NWD2: variants seen among roughly 807,000 people sequenced by gnomAD.
The protein encoded by NWD2 is NACHT and WD repeat domain-containing protein 2.
Under a neutral mutation model 132.7 loss-of-function variants are expected in NWD2, and 37 were observed. The ratio of observed to expected loss-of-function variants is 0.28; its 90% confidence interval spans 0.21 to 0.37. The LOEUF (loss-of-function observed/expected upper bound fraction) is 0.37, where lower values mean the gene tolerates loss of function less well. NWD2 is among the 10% of genes least tolerant of loss of function. The probability of loss-of-function intolerance (pLI) is 1.00; values close to 1 mark genes in which losing one functional copy is unlikely to be tolerated. For missense variants in NWD2, 1,592 were observed against 2,122.4 expected (o/e 0.75, Z 4.91); for synonymous variants, 705 against 803.0 (o/e 0.88, Z 2.06).
In NWD2 at chr4:37,430,691, G is replaced by A. The variant is rs1394776692; in HGVS notation, c.477G>A (p.Glu159=). The change falls in exon 4 of 7, where the codon GAG becomes GAA. Residue 159 remains glutamate, a synonymous_variant. Coordinates refer to ENST00000309447, the MANE Select transcript of NWD2 (RefSeq NM_001144990.2). The stretch of plus-strand genomic sequence containing the variant: ...AGCTGGAGACCAAGTTGCTGGAGGA[G>A]TGGTACTGTCGAGATGAGAACTCGG... ...EAKLETKLLE[E]WYCRDENSVP... is the part of the protein sequence containing the mutation. The A allele has an allele frequency of 6.4e-7, 1 of 1,551,620 alleles. No homozygotes were observed. The highest frequency in any genetic ancestry group is 2.0e-5 in the Admixed American group (1 of 51,000).
chr4:37,378,628 A>AT (rs970586099), intron 3 of NWD2, among the ~76,000 whole-genome samples: 1 of 151,516 alleles, frequency 6.6e-6, no homozygotes, highest in Non-Finnish European at 1.5e-5. Flanking sequence ...TTTGTTTTTT[A>AT]TTTTTTTTCT....
chr4:37,308,825 C>T (rs923768705), intron 1 of NWD2, among the ~76,000 whole-genome samples: 1 of 152,118 alleles, frequency 6.6e-6, no homozygotes. Context: ...CAAGCTGGTA[C>T]TCAGGCTTCT....
chr4:37,358,613 A>G (rs1292793600), intron 3 of NWD2, among the ~76,000 whole-genome samples: 1 of 152,070 alleles, frequency 6.6e-6, no homozygotes, highest in East Asian at 1.9e-4. Context: ...GCACTGCAGG[A>G]GTTGCTCCAC....
intron 1 of NWD2, among the ~76,000 whole-genome samples, chr4:37,319,730 G>T (rs1016114978): frequency 3.9e-5 from 6 of 152,086 alleles, no homozygotes; most frequent in South Asian, 2.1e-4. Flanking sequence ...TGAATAGGGG[G>T]TCCTTTCCCA....
chr4:37,368,986 G>A (rs188152123), intron 3 of NWD2, among the ~76,000 whole-genome samples: 40 of 152,218 alleles, frequency 2.6e-4, no homozygotes, highest in Middle Eastern at 3.4e-3. Flanking sequence ...TAGAAAGGTG[G>A]GCATAGATTA....
intron 3 of NWD2, among the ~76,000 whole-genome samples, chr4:37,379,167 T>C (rs1301859931): frequency 6.6e-6 from 1 of 152,226 alleles, no homozygotes; most frequent in East Asian, 1.9e-4. Flanking sequence ...CAGTGGTTTT[T>C]ATACCTAAGG....
chr4:37,299,572 G>T (rs1040899512), intron 1 of NWD2, among the ~76,000 whole-genome samples: 4 of 151,984 alleles, frequency 2.6e-5, no homozygotes, highest in African/African-American at 9.7e-5. Flanking sequence ...TGACCCTGTC[G>T]AAAATGCAAG....
chr4:37,393,284 G>A (rs570734119), intron 3 of NWD2, among the ~76,000 whole-genome samples: 1 of 152,234 alleles, frequency 6.6e-6, no homozygotes, highest in South Asian at 2.1e-4. Flanking sequence ...TCATCATTTT[G>A]TTGGGCCTTT....
At chr4:37,442,701 C>T (rs1712519751) in intron 6 of NWD2, among the ~76,000 whole-genome samples, 1 of 152,094 alleles carries the variant, frequency 6.6e-6, no homozygotes, top group Non-Finnish European at 1.5e-5. Flanking sequence ...GACCCTATAA[C>T]ACCATAAAAT....
chr4:37,254,903 G>A (rs1717482232), intron 1 of NWD2, among the ~76,000 whole-genome samples: 1 of 152,144 alleles, frequency 6.6e-6, no homozygotes, highest in Admixed American at 6.5e-5. Flanking sequence ...TATTCCTAGA[G>A]TATTACGGAA....
At chr4:37,378,401 T>A (rs1720390021) in intron 3 of NWD2, among the ~76,000 whole-genome samples, 1 of 152,226 alleles carries the variant, frequency 6.6e-6, no homozygotes, top group Non-Finnish European at 1.5e-5. Context: ...AACTTTTGGT[T>A]AAGAAAGTGA....
rs544867064 is a variant in NWD2, at chr4:37,293,638, G to A, written c.152-32298G>A. Among the ~76,000 whole-genome samples the A allele has an allele frequency of 2.9e-4, 44 of 152,100 alleles. No individual in the cohort carries two copies. The East Asian group carries it at 6.8e-3, about 23-fold the overall frequency. ...ATTAATTTTCCCTTAAAATTGGTTC[G>A]TACATTTTGGTTTTTATGAAACCAG... On this transcript the variant is annotated intron_variant, in intron 1 of 6. Coordinates refer to ENST00000309447, the MANE Select transcript of NWD2 (RefSeq NM_001144990.2).
chr4:37,302,920 T>C lies in NWD2; in HGVS notation c.152-23016T>C, dbSNP rs148806404. Among the ~76,000 whole-genome samples the C allele has an allele frequency of 1.2e-4, 18 of 152,310 alleles. No homozygotes were observed. In the East Asian group the frequency reaches 3.1e-3, roughly 26 times the overall value. The stretch of plus-strand genomic sequence containing the variant: ...TTCTTCAGGTAGTCTCTTTACTCTG[T>C]TGATTTATTCTTGTGCTGTGAAGAC... On this transcript the variant is annotated intron_variant, in intron 1 of 6. Transcript: ENST00000309447.
intron 5 of NWD2, among the ~76,000 whole-genome samples, chr4:37,435,467 A>G (rs920286282): frequency 6.6e-6 from 1 of 152,230 alleles, no homozygotes; most frequent in Non-Finnish European, 1.5e-5. Context: ...ATTTAAATAT[A>G]TAGATCAGGG....
intron 1 of NWD2, among the ~76,000 whole-genome samples, chr4:37,263,584 G>C (rs889463043): frequency 2.0e-5 from 3 of 152,160 alleles, no homozygotes; most frequent in African/African-American, 7.2e-5. Context: ...ATGAGGGCTA[G>C]TGAGATAATG....
At chr4:37,379,268 T>TA (rs372613529) in intron 3 of NWD2, among the ~76,000 whole-genome samples, 15 of 152,272 alleles carry the variant, frequency 9.9e-5, no homozygotes, top group Non-Finnish European at 1.9e-4. Context: ...AGACTAAGAA[T>TA]AAATGTAGCA....
chr4:37,249,626 G>A (rs974351695), intron 1 of NWD2, among the ~76,000 whole-genome samples: 1 of 152,216 alleles, frequency 6.6e-6, no homozygotes, highest in African/African-American at 2.4e-5. Flanking sequence ...CCCCTAAGGA[G>A]TAACTGACAG....
chr4:37,377,744 A>C (rs977518636), intron 3 of NWD2, among the ~76,000 whole-genome samples: 2 of 152,212 alleles, frequency 1.3e-5, no homozygotes, highest in Non-Finnish European at 2.9e-5. Flanking sequence ...AAAAAAGAAA[A>C]GTTCAGGAGG....
chr4:37,298,803 T>A (rs1216328631), intron 1 of NWD2, among the ~76,000 whole-genome samples: 1 of 152,156 alleles, frequency 6.6e-6, no homozygotes, highest in African/African-American at 2.4e-5. Flanking sequence ...TTTTATAAAT[T>A]AGAAAATGTT....
Sources: gnomAD v4.1 joint callset for allele counts (sites outside exome capture counted in the v4.1 genomes callset) on GRCh38, gnomAD v4.1.1 for gene constraint, MANE v1.5 for transcripts, NCBI Gene and HGNC (gene_info 2026-07-23, HGNC 2026-07-21) for gene names.